DTNA: variants seen among roughly 807,000 people sequenced by gnomAD.
The protein encoded by DTNA is dystrophin-related protein 3.
DTNA carries 43 observed loss-of-function variants against 100.7 expected under a neutral mutation model. The ratio of observed to expected loss-of-function variants is 0.43; its 90% confidence interval spans 0.33 to 0.55. The LOEUF (loss-of-function observed/expected upper bound fraction) is 0.55, where lower values mean the gene tolerates loss of function less well. Among genes scored for constraint, DTNA ranks in the 20% least tolerant of loss-of-function variants. DTNA has a pLI of 0.04. For synonymous variants in DTNA, 349 were observed against 347.9 expected (o/e 1.00, Z -0.04); for missense variants, 798 against 953.9 (o/e 0.84, Z 2.15).
At chr18:34,735,813 C>T (rs2089451515) in intron 1 of DTNA, among the ~76,000 whole-genome samples, 1 of 152,156 alleles carries the variant, frequency 6.6e-6, no homozygotes, top group African/African-American at 2.4e-5. Context: ...CATGCATTAG[C>T]TACTTTTCCT....
chr18:34,846,899 T>C (rs1376264273), intron 13 of DTNA, among the ~76,000 whole-genome samples: 2 of 152,212 alleles, frequency 1.3e-5, no homozygotes, highest in Non-Finnish European at 1.5e-5. Flanking sequence ...AACCTTAATA[T>C]TGGCATAAGA....
intron 16 of DTNA, among the ~76,000 whole-genome samples, chr18:34,862,902 G>A (rs979014009): frequency 1.2e-4 from 18 of 152,146 alleles, no homozygotes; most frequent in Non-Finnish European, 2.2e-4. Flanking sequence ...AGCTCACTGT[G>A]ACATTTTTAT....
chr18:34,685,027 G>T (rs990200964), intron 1 of DTNA, among the ~76,000 whole-genome samples: 1 of 152,108 alleles, frequency 6.6e-6, no homozygotes, highest in Non-Finnish European at 1.5e-5. Context: ...TAAGTTCCTT[G>T]TAGATTCTGG....
intron 1 of DTNA, among the ~76,000 whole-genome samples, chr18:34,668,107 G>GA (rs1290995315): frequency 1.3e-5 from 2 of 152,182 alleles, no homozygotes; most frequent in African/African-American, 4.8e-5. Flanking sequence ...TTCAGAGCCT[G>GA]TTACTGGTCT....
At chr18:34,527,029 T>C (rs1373596251) in intron 1 of DTNA, among the ~76,000 whole-genome samples, 2 of 152,086 alleles carry the variant, frequency 1.3e-5, no homozygotes, top group Non-Finnish European at 2.9e-5. Flanking sequence ...GCTATTTTTC[T>C]CAGGTTTGAT....
intron 20 of DTNA, among the ~76,000 whole-genome samples, chr18:34,881,436 G>GTTTTTTTTT (rs1603350679): frequency 1.5e-5 from 1 of 68,424 alleles, no homozygotes; most frequent in African/African-American, 7.7e-5. Context: ...TAATTAAAAT[G>GTTTTTTTTT]CTTTTTTTTT....
chr18:34,575,212 T>C (rs962605297), intron 1 of DTNA, among the ~76,000 whole-genome samples: 1 of 152,232 alleles, frequency 6.6e-6, no homozygotes, highest in South Asian at 2.1e-4. Flanking sequence ...TCATCTTCTA[T>C]CTTTGCATTT....
intron 13 of DTNA, among the ~76,000 whole-genome samples, chr18:34,846,293 G>A (rs2096376504): frequency 6.6e-6 from 1 of 152,090 alleles, no homozygotes; most frequent in Non-Finnish European, 1.5e-5. Flanking sequence ...TCAGATGGTA[G>A]ATGATATTTT....
intron 11 of DTNA, among the ~76,000 whole-genome samples, chr18:34,832,284 A>G (rs1262483064): frequency 1.3e-5 from 2 of 152,242 alleles, no homozygotes. Flanking sequence ...AATTTTATGA[A>G]GTTGAAATAA....
At chr18:34,567,113 C>T (rs2146335235) in intron 1 of DTNA, among the ~76,000 whole-genome samples, 1 of 152,218 alleles carries the variant, frequency 6.6e-6, no homozygotes, top group South Asian at 2.1e-4. Context: ...ACTTGATATT[C>T]CCCCACAAAA....
At chr18:34,884,885 A>G in intron 22 of DTNA, 109 bp downstream of exon 22, 1 of 1,292,226 alleles carries the variant, frequency 7.7e-7, no homozygotes, top group East Asian at 2.3e-5. Flanking sequence ...TCTATGTGAT[A>G]AAATACCCTC....
chr18:34,547,230 A>G (rs1206061603), intron 1 of DTNA, among the ~76,000 whole-genome samples: 1 of 152,124 alleles, frequency 6.6e-6, no homozygotes, highest in Non-Finnish European at 1.5e-5. Context: ...CAAAATATAT[A>G]CATATTTCAA....
intron 2 of DTNA, 33 bp downstream of exon 2, chr18:34,756,076 G>A (rs1333605847): frequency 6.3e-7 from 1 of 1,597,798 alleles, no homozygotes; most frequent in East Asian, 2.2e-5. Context: ...ACACCCTATA[G>A]TTTCCATTGA....
At chr18:34,690,294 T>C (rs1409246705) in intron 1 of DTNA, among the ~76,000 whole-genome samples, 1 of 152,162 alleles carries the variant, frequency 6.6e-6, no homozygotes, top group East Asian at 1.9e-4. Context: ...CAAGAGCATC[T>C]CCTTGCAAAG....
chr18:34,771,671 AG>A (rs1354195861), intron 3 of DTNA, among the ~76,000 whole-genome samples: 1 of 152,236 alleles, frequency 6.6e-6, no homozygotes, highest in Non-Finnish European at 1.5e-5. Flanking sequence ...CTAAAAAATT[AG>A]GGGACACCAA....
chr18:34,644,789 C>T (rs1239911518), intron 1 of DTNA, among the ~76,000 whole-genome samples: 1 of 152,050 alleles, frequency 6.6e-6, no homozygotes, highest in Non-Finnish European at 1.5e-5. Flanking sequence ...ATTGCTGCAG[C>T]CTGCCAGAAT....
At chr18:34,795,356 A>G (rs1242201544) in intron 4 of DTNA, among the ~76,000 whole-genome samples, 2 of 152,198 alleles carry the variant, frequency 1.3e-5, no homozygotes, top group African/African-American at 2.4e-5. Context: ...TCTTCGTGAT[A>G]TTTATATTTT....
intron 17 of DTNA, chr18:34,866,688 T>C (rs1278250613): frequency 3.0e-6 from 3 of 996,676 alleles, no homozygotes; most frequent in Non-Finnish European, 3.6e-6. Context: ...CTCACCAAAA[T>C]GTGCTCAATT....
At chr18:34,835,623 C>G (rs896914145) in intron 11 of DTNA, among the ~76,000 whole-genome samples, 12 of 152,188 alleles carry the variant, frequency 7.9e-5, no homozygotes, top group Non-Finnish European at 1.3e-4. Context: ...CCTATCGCCC[C>G]CTTCTCTCAG....
Sources: gnomAD v4.1 joint callset for allele counts (sites outside exome capture counted in the v4.1 genomes callset) on GRCh38, gnomAD v4.1.1 for gene constraint, MANE v1.5 for transcripts, NCBI Gene and HGNC (gene_info 2026-07-23, HGNC 2026-07-21) for gene names.